The following SUGCT variants were observed in gnomAD, a reference collection of about 807,000 sequenced individuals.
The protein encoded by SUGCT is succinyl-CoA:glutarate-CoA transferase.
SUGCT carries 41 observed loss-of-function variants against 55.0 expected under a neutral mutation model. The ratio of observed to expected loss-of-function variants is 0.74; its 90% CI spans 0.58 to 0.97. SUGCT has a LOEUF of 0.97. Ranked by LOEUF, SUGCT falls within the 50% of genes least tolerant of loss-of-function variation. The pLI is 0.00. For synonymous variants in SUGCT, 187 were observed against 200.4 expected, an observed-to-expected ratio of 0.93 and a Z score of 0.56; for missense variants, 568 against 547.8, an observed-to-expected ratio of 1.04 and a Z score of -0.37.
At chr7:40,769,207 A>G (rs891322299) in intron 13 of SUGCT, among the ~76,000 whole-genome samples, 1 of 152,156 alleles carries the variant, frequency 6.6e-6, no homozygotes, top group Non-Finnish European at 1.5e-5. Flanking sequence ...GGAATTTTAT[A>G]TTTAAGTGTA....
In SUGCT at chr7:40,756,795, G is replaced by A. The variant is rs185076416; in HGVS notation, c.1153+7298G>A. On this transcript the variant is annotated intron_variant, in intron 13 of 13. Transcript: ENST00000335693. The stretch of plus-strand genomic sequence containing the variant: ...TTCCAGGTAGAAAGGCCTTTCAGAT[G>A]ACAACAGGAAAAGTGTGTAAAGTTT... Among the ~76,000 whole-genome samples, 487 of 152,274 alleles carry A rather than the reference G, an allele frequency of 3.2e-3. 2 individuals are homozygous for A. Among genetic ancestry groups the A allele is most frequent in the African/African-American group, 0.011 (469 of 41,562 alleles).
At chr7:40,292,854 C>T (rs1276449576) in intron 8 of SUGCT, among the ~76,000 whole-genome samples, 1 of 152,070 alleles carries the variant, frequency 6.6e-6, no homozygotes, top group Non-Finnish European at 1.5e-5. Flanking sequence ...GATATCAGCT[C>T]AATGAATCTG....
chr7:40,252,553 GTAC>G lies in SUGCT; in HGVS notation c.576+14831_576+14833del, dbSNP rs1196654099. Among the ~76,000 whole-genome samples the G allele has an allele frequency of 2.0e-5, 3 of 152,274 alleles. No individual in the cohort carries two copies. The East Asian group carries it at 5.8e-4, about 29-fold the overall frequency. On this transcript the variant is annotated intron_variant, in intron 7 of 13. Transcript: ENST00000335693. ...TTCAGAAATGATAGTCATCCTGAAAGTACTACATTTTAAGAATTAATATTAATA... is the reference window on the plus strand; with the variant it reads ...TTCAGAAATGATAGTCATCCTGAAAGTACATTTTAAGAATTAATATTAATA...
chr7:40,723,433 T>C (rs1786453970), intron 12 of SUGCT, among the ~76,000 whole-genome samples: 1 of 152,168 alleles, frequency 6.6e-6, no homozygotes, highest in African/African-American at 2.4e-5. Context: ...GGGCTGCGGC[T>C]TTTTCTTTCT....
chr7:40,632,278 C>T (rs1205923422), intron 12 of SUGCT, among the ~76,000 whole-genome samples: 1 of 151,892 alleles, frequency 6.6e-6, no homozygotes, highest in Admixed American at 6.6e-5. Context: ...AAGCTGCTGG[C>T]CTTTTGCTGG....
At chr7:40,530,665 C>G (rs1794036300) in intron 12 of SUGCT, among the ~76,000 whole-genome samples, 1 of 152,148 alleles carries the variant, frequency 6.6e-6, no homozygotes, top group African/African-American at 2.4e-5. Flanking sequence ...CATCTCAGGA[C>G]CACTAGCAGT....
At chr7:40,554,942 C>T (rs1346962649) in intron 12 of SUGCT, among the ~76,000 whole-genome samples, 1 of 152,124 alleles carries the variant, frequency 6.6e-6, no homozygotes, top group African/African-American at 2.4e-5. Context: ...TCTGCATATC[C>T]TGGCCCATGA....
chr7:40,858,249 C>T (rs1003479585), intron 13 of SUGCT, among the ~76,000 whole-genome samples: 67 of 151,764 alleles, frequency 4.4e-4, no homozygotes, highest in African/African-American at 1.5e-3. Flanking sequence ...ACTAAAAATA[C>T]AAAATTAGCC....
chr7:40,381,797 A>G (rs1303870976), intron 9 of SUGCT, among the ~76,000 whole-genome samples: 1 of 152,166 alleles, frequency 6.6e-6, no homozygotes. Context: ...CCAAATAACT[A>G]TATGCCATTT....
At chr7:40,577,631 T>C (rs1796839795) in intron 12 of SUGCT, among the ~76,000 whole-genome samples, 1 of 152,172 alleles carries the variant, frequency 6.6e-6, no homozygotes, top group African/African-American at 2.4e-5. Flanking sequence ...TAGCTGTCAG[T>C]GCTATATGCA....
intron 13 of SUGCT, among the ~76,000 whole-genome samples, chr7:40,845,916 A>G (rs541298731): frequency 2.6e-5 from 4 of 152,306 alleles, no homozygotes; most frequent in African/African-American, 9.6e-5. Flanking sequence ...TTAAATTCTG[A>G]AAGACTAGTA....
chr7:40,428,521 GC>G (rs1787717479), intron 9 of SUGCT, among the ~76,000 whole-genome samples: 1 of 54,152 alleles, frequency 1.8e-5, no homozygotes, highest in Non-Finnish European at 3.6e-5. Context: ...CTCTGTCTCT[GC>G]TGTGTGTGTG....
intron 12 of SUGCT, among the ~76,000 whole-genome samples, chr7:40,680,704 C>G (rs1392206002): frequency 2.0e-5 from 3 of 152,116 alleles, no homozygotes; most frequent in African/African-American, 7.2e-5. Context: ...AACTGGGAAT[C>G]ACATATCCCC....
intron 6 of SUGCT, among the ~76,000 whole-genome samples, chr7:40,216,541 G>C (rs1277343184): frequency 6.6e-6 from 1 of 150,896 alleles, no homozygotes; most frequent in African/African-American, 2.4e-5. Flanking sequence ...ATAGGACAAG[G>C]CTGCTTAAGC....
At chr7:40,715,548 C>A (rs561191189) in intron 12 of SUGCT, among the ~76,000 whole-genome samples, 2 of 152,268 alleles carry the variant, frequency 1.3e-5, no homozygotes, top group East Asian at 1.9e-4. Flanking sequence ...CTTTGCCCCC[C>A]CTCATGTGTT....
At chr7:40,322,237 G>GTC (rs1248211304) in intron 9 of SUGCT, among the ~76,000 whole-genome samples, 1 of 151,860 alleles carries the variant, frequency 6.6e-6, no homozygotes, top group Non-Finnish European at 1.5e-5. Flanking sequence ...CCCATCTTGT[G>GTC]TCTCTCTCTC....
intron 1 of SUGCT, chr7:40,152,634 A>G: frequency 5.3e-6 from 1 of 187,330 alleles, no homozygotes; most frequent in South Asian, 1.4e-4. Flanking sequence ...AAGAAATTCT[A>G]AAGGATTTTG....
chr7:40,661,862 C>T (rs1801345338), intron 12 of SUGCT, among the ~76,000 whole-genome samples: 2 of 152,128 alleles, frequency 1.3e-5, no homozygotes, highest in South Asian at 4.2e-4. Context: ...AGTGCTTCAG[C>T]CATACCCTCT....
At chr7:40,230,859 TTTGTG>T (rs1788683072) in intron 6 of SUGCT, among the ~76,000 whole-genome samples, 1 of 152,198 alleles carries the variant, frequency 6.6e-6, no homozygotes, top group Admixed American at 6.5e-5. Flanking sequence ...TTACTTCCTA[TTTGTG>T]TGACCTTGAG....
Sources: gnomAD v4.1 joint callset for allele counts (sites outside exome capture counted in the v4.1 genomes callset) on GRCh38, gnomAD v4.1.1 for gene constraint, MANE v1.5 for transcripts, NCBI Gene and HGNC (gene_info 2026-07-23, HGNC 2026-07-21) for gene names.